SCNN1B: variants seen among roughly 807,000 people sequenced by gnomAD.
SCNN1B encodes the protein sodium channel epithelial 1 subunit beta, also known as epithelial sodium channel subunit beta.
In SCNN1B, 46 loss-of-function variants were observed where a neutral mutation model predicts 65.3. The ratio of observed to expected loss-of-function variants is 0.70; its 90% CI spans 0.56 to 0.90. The LOEUF is 0.90. Among genes scored for constraint, SCNN1B ranks in the 40% least tolerant of loss-of-function variants. The pLI is 0.00. For missense variants in SCNN1B, 751 were observed against 830.5 expected (o/e 0.90, Z 1.18); for synonymous variants, 349 against 330.6 (o/e 1.06, Z -0.60).
intron 5 of SCNN1B, among the ~76,000 whole-genome samples, chr16:23,369,093 T>A (rs1268936981): frequency 6.6e-6 from 1 of 152,200 alleles, no homozygotes; most frequent in African/African-American, 2.4e-5. Context: ...TCTCTCTGCC[T>A]CTCTGGTGTA....
In SCNN1B at chr16:23,380,874, TG is replaced by T; in HGVS notation, c.*75del. On this transcript the variant is annotated 3_prime_UTR_variant, in exon 13 of 13. Coordinates refer to ENST00000343070, the MANE Select transcript of SCNN1B (RefSeq NM_000336.3). The surrounding 1 kb of genome is among the most constrained non-coding windows in gnomAD (Gnocchi z 5.4). ...GACTGTTGCCCGAGGCCTCACTGTA[TG>T]GTGCCCTCTCCAAAGGGTCGGGAGG... 1 of 1,531,096 alleles carries T rather than the reference TG, an allele frequency of 6.5e-7. No homozygotes were observed. The highest frequency in any genetic ancestry group is 1.7e-5 in the Admixed American group (1 of 59,944). The allele number at this position is 1,531,096 out of a possible 1,614,324, so 94.8% of individuals were successfully genotyped here.
intron 1 of SCNN1B, among the ~76,000 whole-genome samples, chr16:23,318,995 G>A (rs1236364104): frequency 1.3e-5 from 2 of 152,106 alleles, no homozygotes; most frequent in Non-Finnish European, 2.9e-5. Flanking sequence ...CAGGAAGGAG[G>A]AGGAGTCCTG....
chr16:23,297,159 G>A (rs1961011006), intron 2 of SCNN1B, among the ~76,000 whole-genome samples: 1 of 152,176 alleles, frequency 6.6e-6, no homozygotes, highest in African/African-American at 2.4e-5. Context: ...CTCTGTCTCA[G>A]GAGGGTAGCA....
At chr16:23,299,303 G>A (rs564641054), upstream of SCNN1B, among the ~76,000 whole-genome samples, 84 of 151,970 alleles carry the variant, frequency 5.5e-4, no homozygotes, top group African/African-American at 1.4e-3. Context: ...CAGGCAATCC[G>A]CCCACCTTGG....
At chr16:23,358,619 A>C (rs1203634162) in intron 4 of SCNN1B, 1 of 152,222 alleles carries the variant, frequency 6.6e-6, no homozygotes, top group East Asian at 1.9e-4. Context: ...TATAACCCAC[A>C]TTTTAGGCTG....
chr16:23,346,968 C>T (rs749533052), intron 1 of SCNN1B, among the ~76,000 whole-genome samples: 2 of 152,078 alleles, frequency 1.3e-5, no homozygotes, highest in Non-Finnish European at 2.9e-5. Flanking sequence ...GAGATTTGCT[C>T]AAAGTCACAA....
chr16:23,316,033 C>CATCGCCATCCTCACT (rs1555484447), intron 1 of SCNN1B, among the ~76,000 whole-genome samples: 2 of 151,372 alleles, frequency 1.3e-5, no homozygotes, highest in African/African-American at 4.9e-5. Flanking sequence ...TCACCATCAC[C>CATCGCCATCCTCACT]ATCGCCACCA....
Position 23,371,454 on chromosome 16 carries a change from G to T in SCNN1B, c.1036G>T (p.Val346Leu). ...GTCGGGGACAGAGACGTCCATCGGG[G>T]TACTCGTGGTATGGCCGGAGCCCAA... ...AMSGTETSIG[V>L]LVDKLQRMGE... The change falls in exon 6 of 13, where the codon GTA becomes TTA. Residue 346 changes from valine to leucine, a missense_variant. Coordinates refer to ENST00000343070, the MANE Select transcript of SCNN1B (RefSeq NM_000336.3). 1 of 1,613,778 alleles carries T rather than the reference G, an allele frequency of 6.2e-7. No homozygotes were observed. Among genetic ancestry groups the T allele is most frequent in the South Asian group, 1.1e-5 (1 of 91,038 alleles).
At chr16:23,299,129 G>A (rs867497878), upstream of SCNN1B, among the ~76,000 whole-genome samples, 4 of 138,318 alleles carry the variant, frequency 2.9e-5, no homozygotes, top group Admixed American at 3.1e-4. Context: ...GCACAATCTT[G>A]GCTCACTGCA....
chr16:23,356,857 C>T (rs1962431744), intron 4 of SCNN1B, among the ~76,000 whole-genome samples: 1 of 152,132 alleles, frequency 6.6e-6, no homozygotes, highest in African/African-American at 2.4e-5. Flanking sequence ...GTCTCTAGGA[C>T]AACCAGAAAC....
intron 2 of SCNN1B, 64 bp from the exon 3 acceptor site, chr16:23,352,737 A>T: frequency 6.3e-7 from 1 of 1,582,046 alleles, no homozygotes; most frequent in Non-Finnish European, 8.7e-7. Context: ...TGGGTCCCAG[A>T]TTTCATTTGC....
At chr16:23,349,589 T>A (rs1000421122) in intron 2 of SCNN1B, among the ~76,000 whole-genome samples, 5 of 152,056 alleles carry the variant, frequency 3.3e-5, no homozygotes, top group Admixed American at 2.0e-4. Context: ...GAGAGAACCT[T>A]GGGCACCCTC....
At chr16:23,322,486 T>C (rs529124132) in intron 1 of SCNN1B, among the ~76,000 whole-genome samples, 349 of 151,958 alleles carry the variant, frequency 2.3e-3, no homozygotes, top group African/African-American at 8.0e-3. Context: ...TTAATTTATA[T>C]GTTTTGTAGG....
intron 2 of SCNN1B, among the ~76,000 whole-genome samples, chr16:23,291,984 G>A (rs1960931723): frequency 6.6e-6 from 1 of 151,686 alleles, no homozygotes; most frequent in South Asian, 2.1e-4. Flanking sequence ...TGTAGCCGTT[G>A]TTCTGCAACT....
At chr16:23,369,470 G>T (rs1487217723) in intron 5 of SCNN1B, among the ~76,000 whole-genome samples, 2 of 152,146 alleles carry the variant, frequency 1.3e-5, no homozygotes, top group African/African-American at 4.8e-5. Flanking sequence ...GTGGATGACG[G>T]ATCCCCCTCC....
chr16:23,381,120 G>A lies in SCNN1B; in HGVS notation c.*319G>A. 2.3e-6 allele frequency: 1 copy of A among 426,450 alleles called. No homozygotes were observed. Among genetic ancestry groups the A allele is most frequent in the African/African-American group, 2.0e-5 (1 of 49,972 alleles). The allele number at this position is 426,450 out of a possible 1,614,324, so 26.4% of individuals were successfully genotyped here. A position where few individuals can be genotyped will look rare whatever the true frequency, so the allele number is the denominator to read the frequency against. On this transcript the variant is annotated 3_prime_UTR_variant, in exon 13 of 13. Coordinates refer to ENST00000343070, the MANE Select transcript of SCNN1B (RefSeq NM_000336.3). ...GGTGGCAGGCCACTTCCCTCCCAGT[G>A]CCAGTCTCCATCCACCCCAGAGAGG... is the stretch of plus-strand genomic sequence containing the variant.
At chr16:23,305,371 G>C (rs1329499523) in intron 1 of SCNN1B, among the ~76,000 whole-genome samples, 1 of 150,616 alleles carries the variant, frequency 6.6e-6, no homozygotes, top group Non-Finnish European at 1.5e-5. Flanking sequence ...AGCTGGCAAT[G>C]GCCAGGCATG....
intron 3 of SCNN1B, among the ~76,000 whole-genome samples, chr16:23,353,643 G>C (rs764131864): frequency 6.6e-6 from 1 of 152,250 alleles, no homozygotes; most frequent in Non-Finnish European, 1.5e-5. Context: ...AGTTGGGAGT[G>C]ATGTCAGCCT....
intron 1 of SCNN1B, among the ~76,000 whole-genome samples, chr16:23,320,675 G>A (rs1362957590): frequency 6.6e-6 from 1 of 152,226 alleles, no homozygotes; most frequent in Admixed American, 6.5e-5. Context: ...TACAGCCGAG[G>A]CCCCCTCTGA....
Sources: gnomAD v4.1 joint callset for allele counts (sites outside exome capture counted in the v4.1 genomes callset) on GRCh38, gnomAD v4.1.1 for gene constraint, Gnocchi (gnomAD v3.1) non-coding constraint, MANE v1.5 for transcripts, NCBI Gene and HGNC (gene_info 2026-07-23, HGNC 2026-07-21) for gene names.